MGAT4C: variants seen among roughly 807,000 people sequenced by gnomAD.
MGAT4C encodes the protein MGAT4 family member C, also known as alpha-1,3-mannosyl-glycoprotein 4-beta-N-acetylglucosaminyltransferase C.
MGAT4C carries 19 observed loss-of-function variants against 40.1 expected under a neutral mutation model. That is an observed-to-expected ratio of 0.47 (90% CI 0.33 to 0.70). The LOEUF is 0.70. Among genes scored for constraint, MGAT4C ranks in the 30% least tolerant of loss-of-function variants. MGAT4C has a pLI of 0.02. For synonymous variants in MGAT4C, 181 were observed against 187.1 expected, an observed-to-expected ratio of 0.97 and a Z score of 0.27; for missense variants, 491 against 563.2, an observed-to-expected ratio of 0.87 and a Z score of 1.30.
rs542606983 is a variant in MGAT4C at position 86,170,484 on chromosome 12, G to A, written c.-57+85755C>T. 3.3e-5 allele frequency among the ~76,000 whole-genome samples: 5 copies of A among 152,226 alleles called. No individual in the cohort carries two copies. In the South Asian group the frequency reaches 1.0e-3, roughly 32 times the overall value. ...ACTATTTACTGTTTAAATTATCTAT[G>A]TATAATGTTATGCATTAGTACTGTG... On this transcript the variant is annotated intron_variant, in intron 1 of 4. Coordinates refer to ENST00000611864, the MANE Select transcript of MGAT4C (RefSeq NM_001351288.2).
chr12:86,428,548 T>C (rs1956975431), intron 3 of MGAT4C, among the ~76,000 whole-genome samples: 1 of 152,230 alleles, frequency 6.6e-6, no homozygotes, highest in Non-Finnish European at 1.5e-5. Context: ...TTTGAGGATT[T>C]GTATCTGTTT....
intron 2 of MGAT4C, among the ~76,000 whole-genome samples, chr12:86,599,162 A>C (rs1019173143): frequency 2.6e-5 from 4 of 152,104 alleles, no homozygotes; most frequent in African/African-American, 9.7e-5. Flanking sequence ...TATCAACCTT[A>C]GAAGCTTAGA....
At chr12:86,459,310 A>G (rs1405432186) in intron 2 of MGAT4C, among the ~76,000 whole-genome samples, 1 of 152,084 alleles carries the variant, frequency 6.6e-6, no homozygotes, top group African/African-American at 2.4e-5. Flanking sequence ...GAATGGCAAT[A>G]TCACTCCCAT....
chr12:86,118,815 A>G (rs1225736336), intron 1 of MGAT4C, among the ~76,000 whole-genome samples: 13 of 152,096 alleles, frequency 8.5e-5, no homozygotes, highest in Non-Finnish European at 1.3e-4. Flanking sequence ...TACTGATAAA[A>G]TTAACAAAAC....
At chr12:86,756,008 T>C (rs1013796950) in intron 1 of MGAT4C, among the ~76,000 whole-genome samples, 10 of 151,562 alleles carry the variant, frequency 6.6e-5, no homozygotes, top group African/African-American at 2.4e-4. Flanking sequence ...TTAAAATATA[T>C]ATATAATTTT....
intron 1 of MGAT4C, among the ~76,000 whole-genome samples, chr12:86,787,320 T>C (rs1027930768): frequency 4.5e-5 from 4 of 88,804 alleles, no homozygotes; most frequent in African/African-American, 1.2e-4. Flanking sequence ...AGACATGATT[T>C]CATTATTTTT....
rs573614261 is a variant in MGAT4C at position 85,989,305 on chromosome 12, A to G, written c.147+95T>C. 5.7e-6 allele frequency: 7 copies of G among 1,233,650 alleles called. No homozygotes were observed. The South Asian group carries it at 1.5e-4, about 26-fold the overall frequency. 76.4% of individuals were successfully genotyped at this position (1,233,650 alleles called of 1,614,324 possible). On this transcript the variant is annotated intron_variant, in intron 3 of 4. Transcript: ENST00000611864. ...ATTTTGCTCAAACTAAGTCTTCTCCAATAGCTTGAGATTGAAGTTAGGCTA... is the reference window on the plus strand; with the variant it reads ...ATTTTGCTCAAACTAAGTCTTCTCCGATAGCTTGAGATTGAAGTTAGGCTA...
chr12:86,158,850 G>A (rs913920110), intron 1 of MGAT4C, among the ~76,000 whole-genome samples: 1 of 152,120 alleles, frequency 6.6e-6, no homozygotes, highest in African/African-American at 2.4e-5. Flanking sequence ...GACGGTGTTA[G>A]TGTGTGGAAA....
At chr12:86,344,730 GTGTGTGTGTGTGTGTGTGTGTGTGTA>G (rs1347637643) in intron 3 of MGAT4C, among the ~76,000 whole-genome samples, 5 of 141,356 alleles carry the variant, frequency 3.5e-5, no homozygotes, top group Admixed American at 7.2e-5. Flanking sequence ...GTGTGTGTGT[GTGTGTGTGTGTGTGTGTGTGTGTGTA>G]TGTGTGTGTG....
chr12:86,626,752 C>T lies in MGAT4C; in HGVS notation c.-229+100457G>A, dbSNP rs557697766. On this transcript the variant is annotated intron_variant, in intron 2 of 7. Transcript: ENST00000548651. ...CTAAAACATTGGAAATTGTTCTGTT[C>T]CAAGGTGGCAGAATAGGAATAGCTC... is the stretch of plus-strand genomic sequence containing the variant. Among the ~76,000 whole-genome samples, 54 of 152,258 alleles carry T rather than the reference C, an allele frequency of 3.5e-4. No individual in the cohort carries two copies. In the Middle Eastern group the frequency reaches 0.014, roughly 38 times the overall value.
chr12:85,965,560 G>A lies in MGAT4C; in HGVS notation c.*13729C>T, dbSNP rs1424023641. On this transcript the variant is annotated 3_prime_UTR_variant, in exon 5 of 5. Coordinates refer to ENST00000611864, the MANE Select transcript of MGAT4C (RefSeq NM_001351288.2). ...TGCAGTGAGCGGAGATAGTGCCACT[G>A]CAGTCCGGCCTGGGCAAAAGAGTGA... 1 of 137,000 alleles carries A rather than the reference G, an allele frequency of 7.3e-6. No individual in the cohort carries two copies. Among genetic ancestry groups the A allele is most frequent in the East Asian group, 2.1e-4 (1 of 4,706 alleles). The allele number at this position is 137,000 out of a possible 1,614,324, so 8.5% of individuals were successfully genotyped here.
intron 2 of MGAT4C, among the ~76,000 whole-genome samples, chr12:86,494,467 A>G (rs1295449288): frequency 6.6e-6 from 1 of 151,950 alleles, no homozygotes; most frequent in African/African-American, 2.4e-5. Context: ...TTATCAAACT[A>G]AACATATTAT....
chr12:86,570,126 T>C (rs535617818), intron 2 of MGAT4C, among the ~76,000 whole-genome samples: 20 of 152,150 alleles, frequency 1.3e-4, no homozygotes, highest in South Asian at 2.1e-4. Flanking sequence ...AAGAGACCTA[T>C]TGTAACTAAC....
chr12:86,635,176 T>A (rs989681498), intron 2 of MGAT4C, among the ~76,000 whole-genome samples: 1 of 152,156 alleles, frequency 6.6e-6, no homozygotes, highest in Non-Finnish European at 1.5e-5. Flanking sequence ...ACAGGCTCTG[T>A]CTTTATGCAT....
chr12:85,988,076 T>C (rs1284953717), intron 3 of MGAT4C, among the ~76,000 whole-genome samples: 2 of 152,150 alleles, frequency 1.3e-5, no homozygotes, highest in South Asian at 2.1e-4. Flanking sequence ...CAAAAATGCA[T>C]AACATTAGTA....
chr12:86,371,538 C>T (rs1337053300), intron 3 of MGAT4C, among the ~76,000 whole-genome samples: 3 of 151,930 alleles, frequency 2.0e-5, no homozygotes, highest in African/African-American at 7.2e-5. Context: ...CAGTGACTGG[C>T]CTCATGTGTT....
chr12:86,057,648 G>T (rs930207923), intron 1 of MGAT4C, among the ~76,000 whole-genome samples: 31 of 152,152 alleles, frequency 2.0e-4, no homozygotes, highest in African/African-American at 7.0e-4. Context: ...TCAATTAGAG[G>T]ACTAAGTCCA....
At chr12:86,305,955 T>A (rs1953925198) in intron 4 of MGAT4C, among the ~76,000 whole-genome samples, 1 of 150,542 alleles carries the variant, frequency 6.6e-6, no homozygotes, top group South Asian at 2.1e-4. Context: ...TTACCCATCT[T>A]TAAAAGAAAT....
intron 1 of MGAT4C, among the ~76,000 whole-genome samples, chr12:86,730,243 G>A (rs529904172): frequency 6.6e-6 from 1 of 152,146 alleles, no homozygotes; most frequent in South Asian, 2.1e-4. Flanking sequence ...ACTGCTACTT[G>A]ATAGATTAAA....
Sources: allele counts gnomAD v4.1 joint callset (sites outside exome capture counted in the v4.1 genomes callset), GRCh38; gene constraint gnomAD v4.1.1; transcripts MANE v1.5; gene names NCBI Gene and HGNC (gene_info 2026-07-23, HGNC 2026-07-21).